The following ZBTB16 variants were observed in gnomAD, a reference collection of about 807,000 sequenced individuals.
The protein encoded by ZBTB16 is zinc finger and BTB domain-containing protein 16.
Under a neutral mutation model 56.8 loss-of-function variants are expected in ZBTB16, and 8 were observed. The ratio of observed to expected loss-of-function variants is 0.14; its 90% CI spans 0.08 to 0.25. ZBTB16 has a LOEUF of 0.25. Among genes scored for constraint, ZBTB16 ranks in the 10% least tolerant of loss-of-function variants. ZBTB16 has a pLI of 1.00. For missense variants in ZBTB16, 625 were observed against 903.0 expected, an observed-to-expected ratio of 0.69 and a Z score of 3.95; for synonymous variants, 363 against 368.5, an observed-to-expected ratio of 0.98 and a Z score of 0.17.
intron 2 of ZBTB16, among the ~76,000 whole-genome samples, chr11:114,103,824 G>C (rs1310331037): frequency 6.6e-6 from 1 of 152,166 alleles, no homozygotes; most frequent in Non-Finnish European, 1.5e-5. Context: ...ATTTCAAACA[G>C]AGGTGTGGGG....
At chr11:114,223,968 G>T (rs1002271657) in intron 4 of ZBTB16, among the ~76,000 whole-genome samples, 3 of 152,196 alleles carry the variant, frequency 2.0e-5, no homozygotes, top group Non-Finnish European at 4.4e-5. Flanking sequence ...GGAGGGCTAA[G>T]ATCTGAACTT....
chr11:114,152,628 A>G lies in ZBTB16; in HGVS notation c.1269-3709A>G, dbSNP rs183532522. On this transcript the variant is annotated intron_variant, in intron 2 of 6. Coordinates refer to ENST00000335953, the MANE Select transcript of ZBTB16 (RefSeq NM_006006.6). ...AATGGAGAGTGAGGACCTGAAGCAT[A>G]TGGGGCAATGGAATCTCCACTGAGT... Among the ~76,000 whole-genome samples, 64 of 152,302 alleles carry G rather than the reference A, an allele frequency of 4.2e-4. 1 individual carries two copies. The highest frequency in any genetic ancestry group is 1.3e-3 in the African/African-American group (52 of 41,572).
intron 2 of ZBTB16, among the ~76,000 whole-genome samples, chr11:114,109,180 G>T (rs986165828): frequency 6.6e-6 from 1 of 152,192 alleles, no homozygotes; most frequent in Non-Finnish European, 1.5e-5. Context: ...ACTTCACTTT[G>T]GCCTTTCAGT....
At chr11:114,199,380 G>T (rs1038426760) in intron 4 of ZBTB16, among the ~76,000 whole-genome samples, 3 of 151,540 alleles carry the variant, frequency 2.0e-5, no homozygotes, top group Non-Finnish European at 4.4e-5. Flanking sequence ...CATGGATGCC[G>T]CTGGGCCCCG....
intron 2 of ZBTB16, among the ~76,000 whole-genome samples, chr11:114,085,086 T>C (rs1424626015): frequency 6.6e-6 from 1 of 152,258 alleles, no homozygotes; most frequent in Non-Finnish European, 1.5e-5. Context: ...ATTTTGACGA[T>C]ACCTCTGATA....
intron 3 of ZBTB16, among the ~76,000 whole-genome samples, chr11:114,182,158 TCTC>T (rs534223227): frequency 3.3e-5 from 5 of 152,192 alleles, no homozygotes; most frequent in African/African-American, 4.8e-5. Flanking sequence ...CTCAAGCTAT[TCTC>T]CTGCCTCAGC....
chr11:114,067,599 G>T (rs368426416), intron 2 of ZBTB16, among the ~76,000 whole-genome samples: 2 of 152,240 alleles, frequency 1.3e-5, no homozygotes, highest in East Asian at 3.9e-4. Context: ...TAGAGATGGG[G>T]TTTCACCATG....
rs368257323 is a variant in ZBTB16 at position 114,071,911 on chromosome 11, AGTGGTT to A, written c.1268+7347_1268+7352del. Among the ~76,000 whole-genome samples, 1,387 of 152,346 alleles carry A rather than the reference AGTGGTT, an allele frequency of 9.1e-3. 15 individuals are homozygous for A. Among genetic ancestry groups the A allele is most frequent in the African/African-American group, 0.031 (1,278 of 41,580 alleles). On this transcript the variant is annotated intron_variant, in intron 2 of 6. Coordinates refer to ENST00000335953, the MANE Select transcript of ZBTB16 (RefSeq NM_006006.6). Reference sequence around the variant, plus strand: ...GATTTTGCTACTTACTAACTGTGACAGTGGTTGTGTTACTTAACTTCTGTGTGCCTG... The same window carrying A: ...GATTTTGCTACTTACTAACTGTGACAGTGTTACTTAACTTCTGTGTGCCTG...
At chr11:114,177,174 G>A (rs1943137431) in intron 3 of ZBTB16, among the ~76,000 whole-genome samples, 1 of 152,188 alleles carries the variant, frequency 6.6e-6, no homozygotes, top group Non-Finnish European at 1.5e-5. Context: ...TCTTGTTTAA[G>A]CTATCATATG....
chr11:114,173,584 A>C (rs766698985), intron 3 of ZBTB16, among the ~76,000 whole-genome samples: 3 of 152,186 alleles, frequency 2.0e-5, no homozygotes, highest in Non-Finnish European at 4.4e-5. Flanking sequence ...GCCCCAAGAT[A>C]ATTGAATTTA....
intron 2 of ZBTB16, among the ~76,000 whole-genome samples, chr11:114,148,325 A>ATGGCTGGCTGGC (rs144399770): frequency 1.1e-5 from 1 of 91,080 alleles, no homozygotes; most frequent in Non-Finnish European, 2.5e-5. Context: ...CATAGGATGC[A>ATGGCTGGCTGGC]TGGCTGGCTG....
chr11:114,137,784 A>G (rs989959225), intron 2 of ZBTB16, among the ~76,000 whole-genome samples: 2 of 152,210 alleles, frequency 1.3e-5, no homozygotes, highest in African/African-American at 4.8e-5. Context: ...CAATGGAGAA[A>G]TGTCCACACT....
chr11:114,074,612 A>C (rs1210087082), intron 2 of ZBTB16, among the ~76,000 whole-genome samples: 1 of 152,108 alleles, frequency 6.6e-6, no homozygotes, highest in East Asian at 1.9e-4. Context: ...TTGCCGATGT[A>C]CCTTATTAGT....
intron 2 of ZBTB16, among the ~76,000 whole-genome samples, chr11:114,151,962 G>A (rs1034825256): frequency 6.6e-6 from 1 of 152,178 alleles, no homozygotes. Flanking sequence ...AGGTAGGCTA[G>A]GTTGATAAAG....
intron 2 of ZBTB16, among the ~76,000 whole-genome samples, chr11:114,082,735 G>A (rs1272106245): frequency 3.3e-5 from 5 of 152,050 alleles, no homozygotes; most frequent in Non-Finnish European, 7.4e-5. Context: ...CCACCTCTCG[G>A]TGGGCGGGGA....
At chr11:114,090,002 G>A (rs1418135441) in intron 2 of ZBTB16, among the ~76,000 whole-genome samples, 1 of 152,254 alleles carries the variant, frequency 6.6e-6, no homozygotes, top group Non-Finnish European at 1.5e-5. Flanking sequence ...TGCTGCTGCT[G>A]TGATTGTTCC....
At chr11:114,128,779 T>C (rs1381264557) in intron 2 of ZBTB16, among the ~76,000 whole-genome samples, 1 of 152,144 alleles carries the variant, frequency 6.6e-6, no homozygotes, top group Non-Finnish European at 1.5e-5. Flanking sequence ...GTTAGTGCCT[T>C]CCCTAGAGGT....
Position 114,060,571 on chromosome 11 carries a change from C to G in ZBTB16, c.-91+689C>G, listed in dbSNP as rs950910808. On this transcript the variant is annotated intron_variant, in intron 1 of 6. Transcript: ENST00000335953. This position sits in a 1 kb window ranked among gnomAD's most constrained non-coding sequence, Gnocchi z 6.0. ...GTGACACCGGAGCTCGCCGTGCGCTCCCGGCCGCTCTCGGTGGGTGCCGGT... is the reference window on the plus strand; with the variant it reads ...GTGACACCGGAGCTCGCCGTGCGCTGCCGGCCGCTCTCGGTGGGTGCCGGT... The G allele has an allele frequency of 2.6e-5, 4 of 152,062 alleles. No homozygotes were observed. Among genetic ancestry groups the G allele is most frequent in the African/African-American group, 9.7e-5 (4 of 41,426 alleles). 9.4% of individuals were successfully genotyped at this position (152,062 alleles called of 1,614,324 possible). A position where few individuals can be genotyped will look rare whatever the true frequency, so the allele number is the denominator to read the frequency against.
At chr11:114,080,488 T>C (rs1173299411) in intron 2 of ZBTB16, among the ~76,000 whole-genome samples, 1 of 152,110 alleles carries the variant, frequency 6.6e-6, no homozygotes, top group African/African-American at 2.4e-5. Flanking sequence ...TAGTAAACCA[T>C]ATTAGAACAG....
Sources: gnomAD v4.1 joint callset for allele counts (sites outside exome capture counted in the v4.1 genomes callset) on GRCh38, gnomAD v4.1.1 for gene constraint, Gnocchi (gnomAD v3.1) non-coding constraint, MANE v1.5 for transcripts, NCBI Gene and HGNC (gene_info 2026-07-23, HGNC 2026-07-21) for gene names.